Variants in ORC3 observed in about 807,000 individuals in gnomAD.
ORC3 encodes homolog of latheo, Drosophila.
ORC3 carries 78 observed loss-of-function variants against 100.7 expected under a neutral mutation model. The observed-to-expected ratio is 0.77, with a 90% CI of 0.65 to 0.94. The LOEUF is 0.94. Among genes scored for constraint, ORC3 ranks in the 40% least tolerant of loss-of-function variants. The pLI is 0.00. For missense variants in ORC3, 789 were observed against 823.9 expected, an observed-to-expected ratio of 0.96 and a Z score of 0.52; for synonymous variants, 295 against 289.3, an observed-to-expected ratio of 1.02 and a Z score of -0.20.
At chr6:87,674,624 TTA>T in the ORC3 span, among the ~76,000 whole-genome samples, 34 of 143,524 alleles carry the variant, frequency 2.4e-4, no homozygotes, top group Middle Eastern at 3.4e-3. Context: ...AAGAAGGAAT[TTA>T]TATATATATA....
At chr6:87,670,631 A>G (rs1770813300), downstream of ORC3, among the ~76,000 whole-genome samples, 1 of 152,204 alleles carries the variant, frequency 6.6e-6, no homozygotes, top group Non-Finnish European at 1.5e-5. Context: ...CTACCAAAAT[A>G]TCTTACAAAG....
chr6:87,609,399 T>A (rs1778584253), intron 7 of ORC3, 170 bp downstream of exon 7: 2 of 519,660 alleles, frequency 3.8e-6, no homozygotes, highest in Non-Finnish European at 6.5e-6. Context: ...TCCATTTGCT[T>A]TTTGAGCCAA....
chr6:87,591,893 A>C (rs1382781771), intron 1 of ORC3, among the ~76,000 whole-genome samples: 1 of 151,932 alleles, frequency 6.6e-6, no homozygotes, highest in Non-Finnish European at 1.5e-5. Context: ...CACTACACCC[A>C]GCTAATTTTG....
intron 11 of ORC3, among the ~76,000 whole-genome samples, chr6:87,627,158 C>T (rs552529021): frequency 3.0e-3 from 448 of 151,468 alleles, no homozygotes; most frequent in African/African-American, 0.01. Context: ...CCACCACACC[C>T]GGCTAATTTT....
the ORC3 span, among the ~76,000 whole-genome samples, chr6:87,673,000 TC>T: frequency 6.6e-6 from 1 of 152,014 alleles, no homozygotes; most frequent in African/African-American, 2.4e-5. Context: ...GAATTCAGAA[TC>T]CCTAGGTAGC....
At position 87,659,539 on chromosome 6, in the gene ORC3, T is replaced by C. The variant is rs377222065; in HGVS notation, c.1691+1521T>C. On this transcript the variant is annotated intron_variant, in intron 16 of 19. Transcript: ENST00000392844. Reference sequence around the variant, plus strand: ...CAGAATAATGTGGGGACAGAGTCATTGTTCCTAGTCATTGGGGAGAAATTG... The same window carrying C: ...CAGAATAATGTGGGGACAGAGTCATCGTTCCTAGTCATTGGGGAGAAATTG... 2.6e-5 allele frequency among the ~76,000 whole-genome samples: 4 copies of C among 152,120 alleles called. No individual in the cohort carries two copies. In the East Asian group the frequency reaches 7.7e-4, roughly 29 times the overall value.
intron 2 of ORC3, among the ~76,000 whole-genome samples, chr6:87,599,065 C>T (rs1200667416): frequency 6.6e-6 from 1 of 152,154 alleles, no homozygotes; most frequent in East Asian, 1.9e-4. Flanking sequence ...CAGGTAGAAA[C>T]CTGGCAACAG....
chr6:87,597,954 A>G (rs1777588310), intron 2 of ORC3, among the ~76,000 whole-genome samples: 1 of 152,198 alleles, frequency 6.6e-6, no homozygotes, highest in Non-Finnish European at 1.5e-5. Context: ...CATAGCATGC[A>G]GTGACATCTA....
At chr6:87,608,115 A>G (rs1778481632) in intron 6 of ORC3, among the ~76,000 whole-genome samples, 1 of 152,192 alleles carries the variant, frequency 6.6e-6, no homozygotes, top group African/African-American at 2.4e-5. Context: ...CTTCTGTTGC[A>G]TGTTCCATCT....
At chr6:87,669,868 A>G (rs1042809005), downstream of ORC3, among the ~76,000 whole-genome samples, 7 of 152,216 alleles carry the variant, frequency 4.6e-5, no homozygotes, top group African/African-American at 1.7e-4. Context: ...ACTACGTACA[A>G]TGTAGTTTCA....
intron 7 of ORC3, among the ~76,000 whole-genome samples, chr6:87,610,946 T>TG (rs905648545): frequency 6.8e-6 from 1 of 146,632 alleles, no homozygotes; most frequent in Non-Finnish European, 1.5e-5. Flanking sequence ...TTTTTTTTTT[T>TG]TTTTTTTTGA....
rs1399341099 is a variant in ORC3 at position 87,633,525 on chromosome 6, C to T, written c.1186-1320C>T. On this transcript the variant is annotated intron_variant, in intron 11 of 19. Coordinates refer to ENST00000392844, the MANE Select transcript of ORC3 (RefSeq NM_012381.4). The stretch of plus-strand genomic sequence containing the variant: ...TGCCATGTGCTTTCAGGTAATGACC[C>T]GTAGATCGTTGACCAAGGAATTGAT... Among the ~76,000 whole-genome samples the T allele has an allele frequency of 4.6e-5, 7 of 152,134 alleles. 1 individual carries two copies. Among genetic ancestry groups the T allele is most frequent in the South Asian group, 4.1e-4 (2 of 4,828 alleles).
intron 11 of ORC3, among the ~76,000 whole-genome samples, chr6:87,627,297 C>CTTTTTT (rs71554739): frequency 0.012 from 1,410 of 113,308 alleles, 28 homozygotes; most frequent in African/African-American, 0.046. Context: ...CCGCGCCCAG[C>CTTTTTT]TTTTTTTTTT....
At chr6:87,598,175 C>A (rs1333995063) in intron 2 of ORC3, among the ~76,000 whole-genome samples, 2 of 152,118 alleles carry the variant, frequency 1.3e-5, no homozygotes, top group Non-Finnish European at 2.9e-5. Context: ...AGGCTCATGT[C>A]ACCTTGCTTG....
At chr6:87,602,069 A>C (rs1777946842) in intron 3 of ORC3, among the ~76,000 whole-genome samples, 188 bp downstream of exon 3, 1 of 152,080 alleles carries the variant, frequency 6.6e-6, no homozygotes, top group Admixed American at 6.6e-5. Flanking sequence ...CTGTCTCTAC[A>C]AAAGCTACAA....
the ORC3 span, among the ~76,000 whole-genome samples, chr6:87,672,996 A>G: frequency 3.9e-5 from 6 of 152,136 alleles, no homozygotes; most frequent in East Asian, 9.6e-4. Context: ...TGGGGAATTC[A>G]GAATCCCTAG....
intron 1 of ORC3, among the ~76,000 whole-genome samples, chr6:87,591,480 A>C (rs1002152645): frequency 2.0e-4 from 31 of 152,208 alleles, no homozygotes; most frequent in Admixed American, 2.6e-4. Context: ...CAAAGGTAGT[A>C]TTTTTATTAG....
chr6:87,590,212 C>T lies in ORC3; in HGVS notation c.24+20C>T, dbSNP rs748632871. 4.3e-6 allele frequency: 7 copies of T among 1,612,170 alleles called. 1 individual carries two copies. In the South Asian group the frequency reaches 7.7e-5, roughly 18 times the overall value. ...TCTAAGGTATGTGGTGGCCGATGCG[C>T]ACTGTGGCTCTACCGCTGCCTCATT... On this transcript the variant is annotated intron_variant, in intron 1 of 19. Coordinates refer to ENST00000392844, the MANE Select transcript of ORC3 (RefSeq NM_012381.4).
chr6:87,605,853 A>G (rs1019508356), intron 4 of ORC3, 64 bp from the exon 5 acceptor site: 1 of 871,442 alleles, frequency 1.1e-6, no homozygotes, highest in Non-Finnish European at 1.9e-6. Context: ...TATGTTAAAT[A>G]GCTTTTGTCA....
Sources: allele counts gnomAD v4.1 joint callset (sites outside exome capture counted in the v4.1 genomes callset), GRCh38; gene constraint gnomAD v4.1.1; transcripts MANE v1.5; gene names NCBI Gene and HGNC (gene_info 2026-07-23, HGNC 2026-07-21).